SAMD7: variants seen among roughly 807,000 people sequenced by gnomAD.
The protein encoded by SAMD7 is sterile alpha motif domain-containing protein 7.
A neutral mutation model predicts 36.7 loss-of-function variants in SAMD7; 34 were observed. The ratio of observed to expected loss-of-function variants is 0.93; its 90% CI spans 0.71 to 1.23. The LOEUF (loss-of-function observed/expected upper bound fraction) is 1.23. SAMD7 is among the 50% of genes most tolerant of loss of function. The pLI, the probability that SAMD7 is intolerant of heterozygous loss-of-function variation, is 0.00. For missense variants in SAMD7, 570 were observed against 546.6 expected, an observed-to-expected ratio of 1.04 and a Z score of -0.43; for synonymous variants, 188 against 189.7, an observed-to-expected ratio of 0.99 and a Z score of 0.07.
At position 169,926,912 on chromosome 3, in the gene SAMD7, C is replaced by T. The variant is rs773660579; in HGVS notation, c.650C>T (p.Pro217Leu). ...EKILGQTHAV[P>L]YEEDHYAKDP... ...ATCCTAGGTCAGACTCATGCAGTTC[C>T]CTATGAAGAGGATCATTATGCAAAA... Residue 217 changes from proline to leucine, a missense_variant, in exon 6 of 9, where the codon CCC (proline) becomes CTC (leucine). Transcript: ENST00000335556. 20 of 1,613,744 alleles carry T rather than the reference C, an allele frequency of 1.2e-5. No homozygotes were observed. In the South Asian group the frequency reaches 2.0e-4, roughly 16 times the overall value.
Position 169,919,522 on chromosome 3 carries a change from A to G in SAMD7, c.24A>G (p.Thr8=), listed in dbSNP as rs1325936980. The G allele has an allele frequency of 1.9e-6, 3 of 1,614,146 alleles. No homozygotes were observed. The highest frequency in any genetic ancestry group is 1.7e-6 in the Non-Finnish European group (2 of 1,180,026). MAVNPLL[T]PTGQQTIPLI... ...TGATGGCTGTGAACCCTTTATTGAC[A>G]CCAACAGGGCAGCAGACAATCCCAC... is the stretch of plus-strand genomic sequence containing the variant. The change falls in exon 3 of 9, where the codon ACA becomes ACG. Residue 8 remains threonine, a synonymous_variant. Transcript: ENST00000335556.
intron 7 of SAMD7, among the ~76,000 whole-genome samples, chr3:169,935,787 C>T (rs752779349): frequency 6.6e-6 from 1 of 152,256 alleles, no homozygotes; most frequent in Admixed American, 6.5e-5. Flanking sequence ...AAGGAAGGCA[C>T]GCCACGTCCA....
At chr3:169,926,072 A>G in intron 5 of SAMD7, 1 of 371,216 alleles carries the variant, frequency 2.7e-6, no homozygotes, top group South Asian at 2.1e-5. Flanking sequence ...GGTCCAATTG[A>G]GGACCAAAAA....
At chr3:169,930,141 C>T (rs538511531) in intron 7 of SAMD7, among the ~76,000 whole-genome samples, 4 of 152,268 alleles carry the variant, frequency 2.6e-5, no homozygotes, top group African/African-American at 9.6e-5. Context: ...AATAATATTA[C>T]ATGCTTTTCA....
At chr3:169,932,831 A>G in intron 7 of SAMD7, 1 of 591,784 alleles carries the variant, frequency 1.7e-6, no homozygotes, top group Admixed American at 2.0e-5. Flanking sequence ...CCTGGACACC[A>G]TTAACACAGC....
chr3:169,926,530 A>G (rs754079424), intron 5 of SAMD7, 23 bp from the exon 6 acceptor site: 18 of 1,586,176 alleles, frequency 1.1e-5, no homozygotes, highest in South Asian at 1.0e-4. Context: ...TGGGCTGTAT[A>G]AAATATATTG....
intron 8 of SAMD7, 62 bp downstream of exon 8, chr3:169,936,511 A>C (rs915674547): frequency 7.9e-6 from 7 of 881,780 alleles, no homozygotes; most frequent in East Asian, 2.6e-5. Flanking sequence ...CAAATATGTT[A>C]CTTTTATCTT....
intron 5 of SAMD7, 118 bp downstream of exon 5, chr3:169,925,254 A>G: frequency 1.7e-6 from 1 of 598,454 alleles, no homozygotes; most frequent in Non-Finnish European, 2.8e-6. Flanking sequence ...ATACACACAC[A>G]CAAATTACTT....
intron 2 of SAMD7, among the ~76,000 whole-genome samples, chr3:169,916,931 C>G (rs1200360232): frequency 6.6e-6 from 1 of 152,176 alleles, no homozygotes; most frequent in Admixed American, 6.5e-5. Context: ...CCATCTCCGA[C>G]CCAGCCTGTG....
At chr3:169,912,730 C>A (rs962513776) in intron 1 of SAMD7, among the ~76,000 whole-genome samples, 1 of 152,196 alleles carries the variant, frequency 6.6e-6, no homozygotes, top group Non-Finnish European at 1.5e-5. Flanking sequence ...GTCTTCAATG[C>A]TTTCCAGGGT....
chr3:169,936,862 TGGGGG>T, intron 8 of SAMD7, among the ~76,000 whole-genome samples: 1 of 152,008 alleles, frequency 6.6e-6, no homozygotes, highest in African/African-American at 2.4e-5. Context: ...CCATGACACT[TGGGGG>T]TGACTATCCT....
chr3:169,924,189 TAAC>T (rs542365498), intron 4 of SAMD7, among the ~76,000 whole-genome samples: 117 of 152,018 alleles, frequency 7.7e-4, no homozygotes, highest in Middle Eastern at 6.8e-3. Flanking sequence ...ATTTTACAGA[TAAC>T]AAAGAACCTC....
chr3:169,938,267 T>G (rs1376268412), intron 8 of SAMD7, 51 bp from the exon 9 acceptor site: 1 of 1,271,016 alleles, frequency 7.9e-7, no homozygotes, highest in South Asian at 1.4e-5. Context: ...AATGCTGAGT[T>G]AATGAAAAAA....
chr3:169,919,469 T>C lies in SAMD7; in HGVS notation c.-30T>C. 1 of 1,558,968 alleles carries C rather than the reference T, an allele frequency of 6.4e-7. No individual in the cohort carries two copies. On this transcript the variant is annotated 5_prime_UTR_variant, in exon 3 of 9. Transcript: ENST00000335556. The stretch of plus-strand genomic sequence containing the variant: ...CTGGTTCTTTTTAGAACTCCATTAG[T>C]GGCGAGAGATATTGAAGACAAACCC...
chr3:169,912,125 A>G (rs749206690), intron 1 of SAMD7, among the ~76,000 whole-genome samples: 12 of 152,204 alleles, frequency 7.9e-5, no homozygotes, highest in Non-Finnish European at 1.5e-4. Context: ...TCAAAGTTGT[A>G]TGTAAATTTA....
intron 1 of SAMD7, among the ~76,000 whole-genome samples, chr3:169,913,164 C>T (rs1199377005): frequency 1.3e-5 from 2 of 152,184 alleles, no homozygotes; most frequent in Non-Finnish European, 2.9e-5. Flanking sequence ...CTACTTTTCA[C>T]ATACAAAAAC....
At position 169,927,118 on chromosome 3, in the gene SAMD7, A is replaced by G. The variant is rs1713301182; in HGVS notation, c.856A>G (p.Ile286Val). The stretch of plus-strand genomic sequence containing the variant: ...TGGGAAAGAGGAGGCTTCGGAGCAG[A>G]TTTTTGCAACCTGTGATGAAAAGAA... ...DDGKEEASEQIFATCDEKNGV... is the reference protein window; with the variant it reads ...DDGKEEASEQVFATCDEKNGV... The change falls in exon 6 of 9, where the codon ATT becomes GTT. Residue 286 changes from isoleucine (I) to valine (V), a missense_variant. Ile to Val is a conservative substitution (Grantham distance 29). Coordinates refer to ENST00000335556, the MANE Select transcript of SAMD7 (RefSeq NM_001304366.2). 3 of 1,578,238 alleles carry G rather than the reference A, an allele frequency of 1.9e-6. No homozygotes were observed. Among genetic ancestry groups the G allele is most frequent in the Non-Finnish European group, 2.6e-6 (3 of 1,168,474 alleles).
chr3:169,925,190 T>C (rs1278601381), intron 5 of SAMD7, 54 bp downstream of exon 5: 10 of 1,172,530 alleles, frequency 8.5e-6, no homozygotes, highest in South Asian at 1.3e-5. Context: ...TGCTCATTTA[T>C]TCACTTGTTA....
chr3:169,914,230 T>G (rs1340870686), intron 1 of SAMD7, among the ~76,000 whole-genome samples: 2 of 152,198 alleles, frequency 1.3e-5, no homozygotes, highest in Admixed American at 6.5e-5. Flanking sequence ...CTCTCTGTAG[T>G]GTCCACTCCA....
Sources: gnomAD v4.1 joint callset for allele counts (sites outside exome capture counted in the v4.1 genomes callset) on GRCh38, gnomAD v4.1.1 for gene constraint, MANE v1.5 for transcripts, NCBI Gene and HGNC (gene_info 2026-07-23, HGNC 2026-07-21) for gene names.